PLEKHG5: variants seen among roughly 807,000 people sequenced by gnomAD.
The protein encoded by PLEKHG5 is pleckstrin homology domain-containing family G member 5.
PLEKHG5 carries 52 observed loss-of-function variants against 103.8 expected under a neutral mutation model. That is an observed-to-expected ratio of 0.50 (90% CI 0.40 to 0.63). The LOEUF is 0.63. PLEKHG5 is among the 30% of genes least tolerant of loss of function. The pLI is 0.00. For missense variants in PLEKHG5, 1,205 were observed against 1,347.6 expected, an observed-to-expected ratio of 0.89 and a Z score of 1.66; for synonymous variants, 592 against 575.5, an observed-to-expected ratio of 1.03 and a Z score of -0.41.
chr1:6,476,998 G>T (rs1048878862), intron 2 of PLEKHG5, among the ~76,000 whole-genome samples: 3 of 152,192 alleles, frequency 2.0e-5, no homozygotes, highest in African/African-American at 7.2e-5. Context: ...GATCAGCTGG[G>T]AAAGGACTCG....
intron 9 of PLEKHG5, 38 bp downstream of exon 9, chr1:6,472,948 C>T (rs755993790): frequency 1.8e-5 from 28 of 1,593,476 alleles, no homozygotes; most frequent in East Asian, 2.2e-5. Flanking sequence ...GTCCTCCTTT[C>T]GGGACAAGGA....
In PLEKHG5 at chr1:6,470,363, C is replaced by T. The variant is rs139041955; in HGVS notation, c.1681-8G>A. 49 of 1,613,966 alleles carry T rather than the reference C, an allele frequency of 3.0e-5. No homozygotes were observed. Among genetic ancestry groups the T allele is most frequent in the Non-Finnish European group, 4.0e-5 (47 of 1,179,980 alleles). On this transcript the variant is annotated splice_polypyrimidine_tract_variant and splice_region_variant and intron_variant, in intron 15 of 20. Transcript: ENST00000377728. Reference sequence around the variant, plus strand: ...CAGAAATTCCTTCAGGAGCTGGGGACGGATGGCGTGAACGTAGGGGAGGCC... The same window carrying T: ...CAGAAATTCCTTCAGGAGCTGGGGATGGATGGCGTGAACGTAGGGGAGGCC...
upstream of PLEKHG5, among the ~76,000 whole-genome samples, chr1:6,500,508 G>A (rs985140080): frequency 1.3e-5 from 2 of 151,640 alleles, no homozygotes; most frequent in African/African-American, 4.8e-5. Context: ...AAGCAGACCT[G>A]GAACCCTGAA....
intron 5 of PLEKHG5, chr1:6,474,826 C>T: frequency 3.0e-6 from 2 of 660,090 alleles, no homozygotes; most frequent in South Asian, 3.4e-5. Flanking sequence ...ACACGCAGGC[C>T]TGGCTCCTGC....
intron 1 of PLEKHG5, chr1:6,485,857 C>T (rs988830729): frequency 1.0e-6 from 1 of 989,276 alleles, no homozygotes; most frequent in African/African-American, 1.7e-5. Context: ...TGCGCGGCCC[C>T]GGGCCCCTCT....
At chr1:6,502,781 C>G (rs1458536861) in intron 1 of PLEKHG5, among the ~76,000 whole-genome samples, 2 of 152,256 alleles carry the variant, frequency 1.3e-5, no homozygotes, top group Admixed American at 1.3e-4. Context: ...CGGCCAGGGT[C>G]TGGCTGGCAC....
Position 6,474,063 on chromosome 1 carries a change from C to G in PLEKHG5, c.541G>C (p.Ala181Pro), listed in dbSNP as rs527341275. 7 of 1,610,212 alleles carry G rather than the reference C, an allele frequency of 4.3e-6. No individual in the cohort carries two copies. The highest frequency in any genetic ancestry group is 5.9e-6 in the Non-Finnish European group (7 of 1,178,526). Residue 181 changes from alanine to proline, a missense_variant, in exon 7 of 21, where the codon GCC becomes CCC. Ala to Pro is a conservative substitution (Grantham distance 27, BLOSUM62 -1). Coordinates refer to ENST00000377728, the MANE Select transcript of PLEKHG5 (RefSeq NM_020631.6). The stretch of plus-strand genomic sequence containing the variant: ...CTCTGGGCGTCCACACGCTCCAGGG[C>G]GGGGGGCCCGGTCCCAGCTGGCCGC... ...ILRPAGTGPP[A>P]LERVDAQSRR...
intron 10 of PLEKHG5, among the ~76,000 whole-genome samples, 158 bp from the exon 11 acceptor site, chr1:6,471,966 C>G (rs1644606130): frequency 6.6e-6 from 1 of 152,236 alleles, no homozygotes; most frequent in African/African-American, 2.4e-5. Context: ...GGCCTTCGCA[C>G]CTGGGTAGTC....
At chr1:6,516,947 A>T (rs1310245691) in intron 1 of PLEKHG5, among the ~76,000 whole-genome samples, 4 of 148,832 alleles carry the variant, frequency 2.7e-5, no homozygotes, top group African/African-American at 9.9e-5. Context: ...TGTTCTGCTT[A>T]TAAAAGTAAT....
intron 1 of PLEKHG5, among the ~76,000 whole-genome samples, chr1:6,480,581 C>A (rs1176411535): frequency 1.3e-5 from 2 of 150,778 alleles, no homozygotes; most frequent in African/African-American, 4.9e-5. Context: ...GTCCTAAGAG[C>A]TTTAGCATAC....
upstream of PLEKHG5, among the ~76,000 whole-genome samples, chr1:6,495,712 G>A (rs1645214990): frequency 1.3e-5 from 2 of 152,214 alleles, no homozygotes; most frequent in South Asian, 4.1e-4. Flanking sequence ...TGCATGCTGG[G>A]AGGGGCAAAA....
At chr1:6,471,308 G>A (rs982494667) in intron 12 of PLEKHG5, 180 bp downstream of exon 12, 1 of 803,502 alleles carries the variant, frequency 1.2e-6, no homozygotes, top group Non-Finnish European at 2.0e-6. Flanking sequence ...AGATGGTCAG[G>A]TGGAGGCTCA....
At chr1:6,477,322 T>C (rs778660236) in intron 2 of PLEKHG5, among the ~76,000 whole-genome samples, 2 of 152,214 alleles carry the variant, frequency 1.3e-5, no homozygotes, top group Non-Finnish European at 2.9e-5. Context: ...CAGCACCAGA[T>C]AGAGAAAGGC....
rs1638283547 is a variant in PLEKHG5, at chr1:6,505,371, G to C, written c.-164-8802C>G. 6.6e-6 allele frequency among the ~76,000 whole-genome samples: 1 copy of C among 152,086 alleles called. No individual in the cohort carries two copies. Among genetic ancestry groups the C allele is most frequent in the South Asian group, 2.1e-4 (1 of 4,822 alleles). On this transcript the variant is annotated intron_variant, in intron 1 of 21. Coordinates refer to the PLEKHG5 transcript ENST00000377740. This position sits in a 1 kb window ranked among gnomAD's most constrained non-coding sequence, Gnocchi z 4.2. The stretch of plus-strand genomic sequence containing the variant: ...CCGACAGCCAGCACAGGTGCGCCCT[G>C]CCTCTGCCACCGCTGTTTGAAGCTC...
At chr1:6,482,154 C>G (rs375865604) in intron 1 of PLEKHG5, among the ~76,000 whole-genome samples, 1 of 152,114 alleles carries the variant, frequency 6.6e-6, no homozygotes, top group East Asian at 1.9e-4. Context: ...TAGCTTCCCC[C>G]CAAGTCACCT....
At chr1:6,477,008 G>A (rs1003441039) in intron 2 of PLEKHG5, among the ~76,000 whole-genome samples, 3 of 152,148 alleles carry the variant, frequency 2.0e-5, no homozygotes, top group East Asian at 1.9e-4. Context: ...GAAAGGACTC[G>A]GGGGTTGGCA....
upstream of PLEKHG5, chr1:6,496,862 G>T (rs1049031333): frequency 2.7e-5 from 22 of 804,248 alleles, no homozygotes; most frequent in African/African-American, 2.5e-4. Context: ...GTGGGGGAGC[G>T]CTCAGTGACC....
At chr1:6,496,144 C>G (rs1411016054), upstream of PLEKHG5, among the ~76,000 whole-genome samples, 1 of 152,236 alleles carries the variant, frequency 6.6e-6, no homozygotes, top group African/African-American at 2.4e-5. Context: ...TGGACCAGCA[C>G]CGTGGGAGAC....
At position 6,474,177 on chromosome 1, in the gene PLEKHG5, G is replaced by T. The variant is rs555085495; in HGVS notation, c.440-13C>A. ...GGCTTGGCTGGGGCTGCATGTGGGG[G>T]CCACGAGAGATCCTCAGTACCCTGG... On this transcript the variant is annotated splice_polypyrimidine_tract_variant and intron_variant, in intron 6 of 20. Coordinates refer to ENST00000377728, the MANE Select transcript of PLEKHG5 (RefSeq NM_020631.6). 2.5e-6 allele frequency: 4 copies of T among 1,613,002 alleles called. No individual in the cohort carries two copies. The African/African-American group carries it at 5.3e-5, about 21-fold the overall frequency.
Sources: allele counts gnomAD v4.1 joint callset (sites outside exome capture counted in the v4.1 genomes callset), GRCh38; gene constraint gnomAD v4.1.1; non-coding constraint Gnocchi (gnomAD v3.1); transcripts MANE v1.5; gene names NCBI Gene and HGNC (gene_info 2026-07-23, HGNC 2026-07-21).